SPAG16: variants seen among roughly 807,000 people sequenced by gnomAD.
The protein encoded by SPAG16 is sperm-associated antigen 16 protein.
SPAG16 carries 86 observed loss-of-function variants against 80.4 expected under a neutral mutation model. The observed-to-expected ratio is 1.07, with a 90% CI of 0.90 to 1.28. The LOEUF is 1.28. SPAG16 is among the 50% of genes most tolerant of loss of function. The pLI is 0.00. For missense variants in SPAG16, 870 were observed against 765.3 expected (o/e 1.14, Z -1.61); for synonymous variants, 294 against 265.9 (o/e 1.11, Z -1.03).
In SPAG16 at chr2:213,419,401, C is replaced by G. The variant is rs75948830; in HGVS notation, c.942+44282C>G. Among the ~76,000 whole-genome samples the G allele has an allele frequency of 3.0e-3, 452 of 152,030 alleles. 9 individuals are homozygous for G. The South Asian group carries it at 0.047, about 16-fold the overall frequency. On this transcript the variant is annotated intron_variant, in intron 9 of 15. Transcript: ENST00000331683. ...CTCATTATGCTGCCTTTTTTACTCC[C>G]TAATATGCTCATACAGAAGGTCATC...
intron 10 of SPAG16, among the ~76,000 whole-genome samples, chr2:213,695,083 A>G (rs984434974): frequency 2.0e-5 from 3 of 152,100 alleles, no homozygotes; most frequent in Admixed American, 6.6e-5. Context: ...GGTTGATACC[A>G]CTGTGAGTTT....
intron 15 of SPAG16, among the ~76,000 whole-genome samples, chr2:214,296,874 G>A (rs1188605544): frequency 6.6e-6 from 1 of 152,116 alleles, no homozygotes; most frequent in East Asian, 1.9e-4. Context: ...AGTGAGTTCT[G>A]TCTCTCTCTG....
intron 10 of SPAG16, among the ~76,000 whole-genome samples, chr2:213,710,253 C>A (rs2125356655): frequency 6.6e-6 from 1 of 151,312 alleles, no homozygotes; most frequent in Admixed American, 6.6e-5. Flanking sequence ...CACTGCGCTC[C>A]AGCCTGGGTG....
chr2:213,585,958 C>T (rs1220238305), intron 10 of SPAG16, among the ~76,000 whole-genome samples: 1 of 152,118 alleles, frequency 6.6e-6, no homozygotes, highest in Admixed American at 6.5e-5. Flanking sequence ...CAAATGAAAG[C>T]ATTTAATCTA....
chr2:214,062,489 C>A (rs548447871), intron 13 of SPAG16, among the ~76,000 whole-genome samples: 3 of 150,812 alleles, frequency 2.0e-5, no homozygotes, highest in Non-Finnish European at 3.0e-5. Flanking sequence ...ATTACCACAT[C>A]CCCAAACATG....
intron 9 of SPAG16, among the ~76,000 whole-genome samples, chr2:213,378,577 A>G (rs1210564352): frequency 1.3e-5 from 2 of 152,238 alleles, no homozygotes; most frequent in African/African-American, 4.8e-5. Context: ...AAACGAAGGT[A>G]TATTCTTAGT....
intron 5 of SPAG16, among the ~76,000 whole-genome samples, chr2:213,319,485 A>G (rs569920946): frequency 6.6e-6 from 1 of 152,090 alleles, no homozygotes; most frequent in Non-Finnish European, 1.5e-5. Context: ...TCAGAAGAAT[A>G]TATTACTAGA....
intron 15 of SPAG16, among the ~76,000 whole-genome samples, chr2:214,302,775 G>A (rs947211543): frequency 9.2e-5 from 14 of 152,108 alleles, no homozygotes; most frequent in African/African-American, 2.4e-4. Context: ...GAGCCACCGC[G>A]CCTGGCCAAA....
intron 11 of SPAG16, among the ~76,000 whole-genome samples, chr2:213,897,678 A>C (rs2077050111): frequency 1.3e-5 from 2 of 152,264 alleles, no homozygotes; most frequent in Admixed American, 1.3e-4. Context: ...CACTGAGCTC[A>C]TCACACGCGG....
intron 15 of SPAG16, among the ~76,000 whole-genome samples, chr2:214,275,850 T>C (rs749219728): frequency 2.6e-5 from 4 of 152,334 alleles, no homozygotes; most frequent in Non-Finnish European, 4.4e-5. Context: ...GATATCTTTG[T>C]TAATCTTCTG....
At chr2:214,012,816 C>G (rs1294671841) in intron 12 of SPAG16, among the ~76,000 whole-genome samples, 1 of 152,150 alleles carries the variant, frequency 6.6e-6, no homozygotes, top group African/African-American at 2.4e-5. Flanking sequence ...AAAAACACAG[C>G]TGCAGTTATC....
At chr2:213,795,789 C>T (rs559412484) in intron 10 of SPAG16, among the ~76,000 whole-genome samples, 8 of 152,306 alleles carry the variant, frequency 5.3e-5, no homozygotes, top group Admixed American at 1.3e-4. Flanking sequence ...TGCTCCTACT[C>T]TAGCCACATA....
chr2:214,162,322 CTGTT>C (rs2056471863), intron 15 of SPAG16, among the ~76,000 whole-genome samples: 1 of 152,104 alleles, frequency 6.6e-6, no homozygotes, highest in African/African-American at 2.4e-5. Flanking sequence ...AATTTTAAGT[CTGTT>C]TAACATTCCA....
At position 213,310,125 on chromosome 2, in the gene SPAG16, T is replaced by G; in HGVS notation, c.346T>G (p.Phe116Val). Residue 116 changes from phenylalanine (F) to valine (V), a missense_variant, in exon 4 of 16, where the codon TTC becomes GTC. Coordinates refer to ENST00000331683, the MANE Select transcript of SPAG16 (RefSeq NM_024532.5). ...AGTAATAGAAGACTTTCTCTGCAAT[T>G]TCTTGATCAAAATGGGAATGACCAG... ...PEVIEDFLCN[F>V]LIKMGMTRTL... is the part of the protein sequence containing the mutation. The G allele has an allele frequency of 6.2e-7, 1 of 1,612,148 alleles. No homozygotes were observed.
chr2:213,517,569 G>A (rs1179768254), intron 10 of SPAG16, among the ~76,000 whole-genome samples: 1 of 152,054 alleles, frequency 6.6e-6, no homozygotes, highest in Non-Finnish European at 1.5e-5. Context: ...ATATTATAAG[G>A]CTACAGGAAC....
intron 10 of SPAG16, among the ~76,000 whole-genome samples, chr2:213,705,374 G>A (rs1003823544): frequency 1.3e-4 from 20 of 152,160 alleles, no homozygotes; most frequent in African/African-American, 4.8e-4. Context: ...ACTTCATCTG[G>A]ATGGGCTTCA....
At chr2:213,980,725 T>TATAGAGAGAGAGAGAGAG (rs374274176) in intron 12 of SPAG16, among the ~76,000 whole-genome samples, 11 of 103,988 alleles carry the variant, frequency 1.1e-4, no homozygotes, top group African/African-American at 5.5e-4. Flanking sequence ...TATATATATA[T>TATAGAGAGAGAGAGAGAG]AGAGAGAGAG....
intron 10 of SPAG16, among the ~76,000 whole-genome samples, chr2:213,520,454 C>T (rs1437114250): frequency 2.0e-5 from 3 of 151,680 alleles, no homozygotes; most frequent in East Asian, 1.9e-4. Context: ...ATTCGCTGGG[C>T]GTGGTGGTGG....
chr2:213,926,762 T>C (rs2078500455), intron 11 of SPAG16, among the ~76,000 whole-genome samples: 1 of 152,338 alleles, frequency 6.6e-6, no homozygotes, highest in African/African-American at 2.4e-5. Flanking sequence ...CTTCAGGGTA[T>C]TTGTTAATTT....
Sources: gnomAD v4.1 joint callset for allele counts (sites outside exome capture counted in the v4.1 genomes callset) on GRCh38, gnomAD v4.1.1 for gene constraint, MANE v1.5 for transcripts, NCBI Gene and HGNC (gene_info 2026-07-23, HGNC 2026-07-21) for gene names.